ABLIM2: variants seen among roughly 807,000 people sequenced by gnomAD.
The protein encoded by ABLIM2 is actin binding LIM protein family member 2.
ABLIM2 carries 53 observed loss-of-function variants against 97.7 expected under a neutral mutation model. The observed-to-expected ratio is 0.54, with a 90% CI of 0.44 to 0.68. The LOEUF (loss-of-function observed/expected upper bound fraction) is 0.68. ABLIM2 is among the 30% of genes least tolerant of loss of function. ABLIM2 has a pLI of 0.00. For synonymous variants in ABLIM2, 361 were observed against 345.8 expected, an observed-to-expected ratio of 1.04 and a Z score of -0.49; for missense variants, 835 against 867.2, an observed-to-expected ratio of 0.96 and a Z score of 0.47.
Position 7,986,538 on chromosome 4 carries a change from A to G in ABLIM2, c.1681-1645T>C, listed in dbSNP as rs561712061. Among the ~76,000 whole-genome samples, 10 of 152,266 alleles carry G rather than the reference A, an allele frequency of 6.6e-5. No homozygotes were observed. In the South Asian group the frequency reaches 2.1e-3, roughly 32 times the overall value. The stretch of plus-strand genomic sequence containing the variant: ...TTTGGATTTCTAAAACTATTGCATT[A>G]AACTTATCCTGACTGCATTTTCTTC... On this transcript the variant is annotated intron_variant, in intron 17 of 20. Coordinates refer to ENST00000447017, the MANE Select transcript of ABLIM2 (RefSeq NM_001130083.2). This position sits in a 1 kb window ranked among gnomAD's most constrained non-coding sequence, Gnocchi z 4.3.
intron 9 of ABLIM2, 31 bp from the exon 10 acceptor site, chr4:8,036,326 C>G (rs374057055): frequency 1.9e-6 from 3 of 1,609,360 alleles, no homozygotes; most frequent in Non-Finnish European, 2.5e-6. Flanking sequence ...GGGGAGGGGA[C>G]AGTCACCAGA....
chr4:7,979,738 C>A (rs1736520037), intron 20 of ABLIM2, among the ~76,000 whole-genome samples: 1 of 152,198 alleles, frequency 6.6e-6, no homozygotes, highest in Admixed American at 6.5e-5. Flanking sequence ...AAATACGCCA[C>A]CCAGCTCAGG....
At chr4:8,031,613 C>G (rs528025748) in intron 10 of ABLIM2, among the ~76,000 whole-genome samples, 20 of 152,272 alleles carry the variant, frequency 1.3e-4, no homozygotes, top group Admixed American at 1.2e-3. Context: ...CCTCATAGTG[C>G]GTGACCCTGG....
intron 20 of ABLIM2, among the ~76,000 whole-genome samples, chr4:7,981,767 G>A (rs566139972): frequency 1.3e-5 from 2 of 152,290 alleles, no homozygotes; most frequent in African/African-American, 4.8e-5. Context: ...GCAGCCTCTC[G>A]TCTGCAGAGC....
rs1460207104 is a variant in ABLIM2 at position 8,127,539 on chromosome 4, G to A, written c.11-20902C>T. 7.8e-7 allele frequency: 1 copy of A among 1,289,750 alleles called. No homozygotes were observed. The highest frequency in any genetic ancestry group is 1.5e-5 in the African/African-American group (1 of 65,954). 79.9% of individuals were successfully genotyped at this position (1,289,750 alleles called of 1,614,324 possible). ...TGGTCTGGGCAAAAGCGCAGTTTGG[G>A]GATTTACCTGTGTCTCCCCCTGGCA... On this transcript the variant is annotated intron_variant, in intron 1 of 20. Transcript: ENST00000447017. This position sits in a 1 kb window ranked among gnomAD's most constrained non-coding sequence, Gnocchi z 7.3.
Position 8,095,045 on chromosome 4 carries a change from CTTCT to C in ABLIM2, c.338+2050_338+2053del, listed in dbSNP as rs71175462. ...CTCCCCCCACTTCTTTCCTTCCTTC[CTTCT>C]TTCTTTCTTTCTCTTTCTTTCTTTC... On this transcript the variant is annotated intron_variant, in intron 3 of 20. Transcript: ENST00000447017. This position sits in a 1 kb window ranked among gnomAD's most constrained non-coding sequence, Gnocchi z 4.7. Among the ~76,000 whole-genome samples, 37,028 of 140,922 alleles carry C rather than the reference CTTCT, an allele frequency of 0.26. 4,935 individuals carry two copies. The highest frequency in any genetic ancestry group is 0.33 in the East Asian group (1,558 of 4,746). 92.5% of individuals were successfully genotyped at this position (140,922 alleles called of 152,430 possible).
intron 1 of ABLIM2, among the ~76,000 whole-genome samples, chr4:8,114,630 G>A (rs1014136673): frequency 2.6e-5 from 4 of 152,190 alleles, no homozygotes; most frequent in African/African-American, 9.7e-5. Context: ...GCTGCTCTCT[G>A]GAGCCGGCCC....
intron 9 of ABLIM2, among the ~76,000 whole-genome samples, chr4:8,038,727 C>A (rs371033286): frequency 2.0e-5 from 3 of 152,260 alleles, no homozygotes; most frequent in African/African-American, 7.2e-5. Context: ...CCTTTGGAGC[C>A]TGGGGCAGGG....
chr4:7,994,512 G>A (rs1751694637), intron 16 of ABLIM2, among the ~76,000 whole-genome samples: 1 of 52,192 alleles, frequency 1.9e-5, no homozygotes, highest in African/African-American at 5.4e-5. Flanking sequence ...TGGACATTTG[G>A]GTTGGTTCCA....
rs145326959 is a variant in ABLIM2, at chr4:8,004,437, T to C, written c.1618+3622A>G. Among the ~76,000 whole-genome samples, 770 of 152,250 alleles carry C rather than the reference T, an allele frequency of 5.1e-3. 7 individuals carry two copies. Among genetic ancestry groups the C allele is most frequent in the Non-Finnish European group, 7.9e-3 (537 of 68,030 alleles). On this transcript the variant is annotated intron_variant, in intron 16 of 20. Coordinates refer to ENST00000447017, the MANE Select transcript of ABLIM2 (RefSeq NM_001130083.2). This position sits in a 1 kb window ranked among gnomAD's most constrained non-coding sequence, Gnocchi z 5.9. The stretch of plus-strand genomic sequence containing the variant: ...CACCTCTCACACATGCCTCATGTGC[T>C]GGGATTGGAGGAAAGGGTCTTATTC...
At position 8,155,880 on chromosome 4, in the gene ABLIM2, GGGAGAGGGCGGCCGTCCACAAGCCAA is replaced by G. The variant is rs1715151692; in HGVS notation, c.10+2774_10+2799del. Among the ~76,000 whole-genome samples, 1 of 152,154 alleles carries G rather than the reference GGGAGAGGGCGGCCGTCCACAAGCCAA, an allele frequency of 6.6e-6. No individual in the cohort carries two copies. The highest frequency in any genetic ancestry group is 1.5e-5 in the Non-Finnish European group (1 of 68,028). ...AAAGGGAAGACGGGGCGAGGACACA[GGGAGAGGGCGGCCGTCCACAAGCCAA>G]GGAGAGGGGCTTTGGAAGGAAGTAA... On this transcript the variant is annotated intron_variant, in intron 1 of 20. Transcript: ENST00000447017. The surrounding 1 kb of genome is among the most constrained non-coding windows in gnomAD (Gnocchi z 4.2).
intron 10 of ABLIM2, among the ~76,000 whole-genome samples, chr4:8,030,695 G>T (rs776159334): frequency 4.4e-4 from 67 of 152,334 alleles, no homozygotes; most frequent in Non-Finnish European, 2.2e-4. Context: ...ACTCTCTCGG[G>T]CCGGCTAGTG....
chr4:8,036,163 G>C lies in ABLIM2; in HGVS notation c.1033C>G (p.Gln345Glu). Residue 345 changes from glutamine to glutamate, a missense_variant, in exon 10 of 21, where the codon CAG becomes GAG. Coordinates refer to ENST00000447017, the MANE Select transcript of ABLIM2 (RefSeq NM_001130083.2). ...PYISHSAGDR[Q>E]SYGEGDQDDR... is the part of the protein sequence containing the mutation. ...AGGGTCCATACCTCGCCGTAGCTCTGCCTGTCCCCTGCAGAGTGGCTGATG... is the reference window on the plus strand; with the variant it reads ...AGGGTCCATACCTCGCCGTAGCTCTCCCTGTCCCCTGCAGAGTGGCTGATG... 1.2e-6 allele frequency: 2 copies of C among 1,613,818 alleles called. No individual in the cohort carries two copies. The highest frequency in any genetic ancestry group is 2.2e-5 in the South Asian group (2 of 91,072).
At chr4:8,091,658 T>C (rs1156829105) in intron 3 of ABLIM2, among the ~76,000 whole-genome samples, 1 of 74,782 alleles carries the variant, frequency 1.3e-5, no homozygotes, top group African/African-American at 5.4e-5. Context: ...TATTATATAA[T>C]TATATATTAT....
Position 8,019,364 on chromosome 4 carries a change from T to C in ABLIM2, c.1423+254A>G, listed in dbSNP as rs1306736877. On this transcript the variant is annotated intron_variant, in intron 14 of 20. Transcript: ENST00000447017. This position sits in a 1 kb window ranked among gnomAD's most constrained non-coding sequence, Gnocchi z 4.3. ...GGCTATAAACCCCCATCCCAAGCCC[T>C]GGCTGATGTGCATTAGCCTCGGCGT... Among the ~76,000 whole-genome samples the C allele has an allele frequency of 1.3e-5, 2 of 152,214 alleles. No homozygotes were observed. Among genetic ancestry groups the C allele is most frequent in the African/African-American group, 4.8e-5 (2 of 41,450 alleles).
intron 2 of ABLIM2, among the ~76,000 whole-genome samples, chr4:8,102,612 G>A (rs548385108): frequency 2.0e-5 from 3 of 152,322 alleles, no homozygotes; most frequent in East Asian, 3.9e-4. Flanking sequence ...TGAGCTGTGG[G>A]TGGCAGAGGT....
At position 8,148,647 on chromosome 4, in the gene ABLIM2, G is replaced by A. The variant is rs188829441; in HGVS notation, c.10+10033C>T. The stretch of plus-strand genomic sequence containing the variant: ...GGGGAAGCGCGTAAGCCGTTCCCCC[G>A]TGGGCATGCACAGCAGAGTCCTGCT... On this transcript the variant is annotated intron_variant, in intron 1 of 20. Transcript: ENST00000447017. This position sits in a 1 kb window ranked among gnomAD's most constrained non-coding sequence, Gnocchi z 6.7. Among the ~76,000 whole-genome samples, 16 of 152,250 alleles carry A rather than the reference G, an allele frequency of 1.1e-4. No homozygotes were observed. The highest frequency in any genetic ancestry group is 3.3e-4 in the Admixed American group (5 of 15,304).
At chr4:8,066,108 T>C (rs1395789170) in intron 6 of ABLIM2, among the ~76,000 whole-genome samples, 1 of 150,118 alleles carries the variant, frequency 6.7e-6, no homozygotes, top group East Asian at 2.0e-4. Context: ...GAGACCATCC[T>C]GGCTAACACG....
chr4:7,982,171 C>T (rs1193826706), intron 20 of ABLIM2, among the ~76,000 whole-genome samples: 1 of 150,996 alleles, frequency 6.6e-6, no homozygotes, highest in African/African-American at 2.4e-5. Context: ...GAGCCACCGC[C>T]CCTCAGCGGC....
Sources: allele counts gnomAD v4.1 joint callset (sites outside exome capture counted in the v4.1 genomes callset), GRCh38; gene constraint gnomAD v4.1.1; non-coding constraint Gnocchi (gnomAD v3.1); transcripts MANE v1.5; gene names NCBI Gene and HGNC (gene_info 2026-07-23, HGNC 2026-07-21).